DAB1: variants seen among roughly 807,000 people sequenced by gnomAD.
The protein encoded by DAB1 is disabled homolog 1.
DAB1 carries 15 observed loss-of-function variants against 64.6 expected under a neutral mutation model. The ratio of observed to expected loss-of-function variants is 0.23; its 90% CI spans 0.16 to 0.36. The LOEUF (loss-of-function observed/expected upper bound fraction) is 0.36. Ranked by LOEUF, DAB1 falls within the 10% of genes least tolerant of loss-of-function variation. The pLI is 1.00. For synonymous variants in DAB1, 235 were observed against 251.9 expected, an observed-to-expected ratio of 0.93 and a Z score of 0.64; for missense variants, 596 against 706.7, an observed-to-expected ratio of 0.84 and a Z score of 1.78.
intron 1 of DAB1, among the ~76,000 whole-genome samples, chr1:57,848,706 A>C (rs1289942643): frequency 6.6e-6 from 1 of 152,226 alleles, no homozygotes; most frequent in African/African-American, 2.4e-5. Flanking sequence ...AAATAACCTA[A>C]GGTTGAAGAA....
At chr1:58,300,613 AG>A (rs1557726083) in intron 4 of DAB1, among the ~76,000 whole-genome samples, 488 of 38,028 alleles carry the variant, frequency 0.013, 4 homozygotes, top group East Asian at 0.017. Flanking sequence ...AGAAAGAAAG[AG>A]AGAGAGAGAG....
intron 7 of DAB1, among the ~76,000 whole-genome samples, chr1:57,571,884 G>A (rs1287817440): frequency 1.3e-5 from 2 of 152,212 alleles, no homozygotes; most frequent in African/African-American, 4.8e-5. Flanking sequence ...TCTTCAGCGG[G>A]AGAGAGCAGC....
intron 5 of DAB1, among the ~76,000 whole-genome samples, chr1:58,025,712 A>T (rs1646884888): frequency 7.1e-6 from 1 of 140,898 alleles, no homozygotes; most frequent in Non-Finnish European, 1.5e-5. Context: ...ATTTAGAGTA[A>T]AGTTATTTTG....
chr1:57,926,287 C>T (rs1398660596), intron 5 of DAB1, among the ~76,000 whole-genome samples: 3 of 121,192 alleles, frequency 2.5e-5, no homozygotes, highest in Non-Finnish European at 3.9e-5. Context: ...TGAGAAAGGC[C>T]AGATTTTATG....
chr1:58,187,489 C>G (rs1028002489), intron 4 of DAB1, among the ~76,000 whole-genome samples: 1 of 150,688 alleles, frequency 6.6e-6, no homozygotes, highest in South Asian at 2.1e-4. Flanking sequence ...AAAAAAGAAG[C>G]CTGACTACAA....
At position 58,215,523 on chromosome 1, in the gene DAB1, A is replaced by G. The variant is rs1233177999; in HGVS notation, n.310-64935T>C. 2.0e-5 allele frequency among the ~76,000 whole-genome samples: 3 copies of G among 152,136 alleles called. No individual in the cohort carries two copies. The East Asian group carries it at 5.8e-4, about 29-fold the overall frequency. ...GCCTCCTAAAGGCAGGAATCCTAAC[A>G]GCCCTTGTACTGATATATTTTCAGC... On this transcript the variant is annotated intron_variant and non_coding_transcript_variant, in intron 4 of 20. Coordinates refer to the DAB1 transcript ENST00000485760.
intron 7 of DAB1, among the ~76,000 whole-genome samples, chr1:57,597,637 A>T (rs966326282): frequency 6.6e-6 from 1 of 152,240 alleles, no homozygotes; most frequent in Non-Finnish European, 1.5e-5. Flanking sequence ...AATAGCTAAC[A>T]ATAACAGGTA....
chr1:57,729,123 A>C (rs142970055), intron 6 of DAB1, among the ~76,000 whole-genome samples: 31 of 152,342 alleles, frequency 2.0e-4, no homozygotes, highest in Non-Finnish European at 3.7e-4. Context: ...AGTTGCAGTA[A>C]TTCCAATGGG....
chr1:58,485,730 TACC>T (rs1645566537), intron 3 of DAB1, among the ~76,000 whole-genome samples: 1 of 152,186 alleles, frequency 6.6e-6, no homozygotes, highest in Non-Finnish European at 1.5e-5. Flanking sequence ...AAAATTTTCC[TACC>T]ATATAGCTAG....
chr1:57,424,333 A>ACGAGCGAGCGAG (rs548471057), upstream of DAB1, among the ~76,000 whole-genome samples: 32 of 145,044 alleles, frequency 2.2e-4, no homozygotes, highest in South Asian at 1.0e-3. Flanking sequence ...AGGTGGAAGA[A>ACGAGCGAGCGAG]CGAGCGAGCG....
intron 4 of DAB1, among the ~76,000 whole-genome samples, chr1:58,165,047 C>G (rs2100755701): frequency 6.6e-6 from 1 of 152,274 alleles, no homozygotes; most frequent in Non-Finnish European, 1.5e-5. Flanking sequence ...CCCATTTCCA[C>G]ATGGAAACAA....
chr1:57,469,772 C>G (rs535985616), intron 7 of DAB1, among the ~76,000 whole-genome samples: 2 of 152,162 alleles, frequency 1.3e-5, no homozygotes, highest in Admixed American at 1.3e-4. Context: ...AAAGTATCTT[C>G]TATGAGTTAT....
chr1:58,402,689 G>A (rs17117463), intron 3 of DAB1, among the ~76,000 whole-genome samples: 2,500 of 152,074 alleles, frequency 0.016, 84 homozygotes, highest in African/African-American at 0.058. Context: ...CATTTGTATC[G>A]GATCCAGAAC....
intron 5 of DAB1, among the ~76,000 whole-genome samples, chr1:57,966,270 T>C (rs1645663804): frequency 6.6e-6 from 1 of 152,188 alleles, no homozygotes; most frequent in South Asian, 2.1e-4. Flanking sequence ...AGCTGACCCC[T>C]GGAATCTGGG....
intron 2 of DAB1, among the ~76,000 whole-genome samples, chr1:57,232,418 T>C (rs1667752005): frequency 6.6e-6 from 1 of 151,852 alleles, no homozygotes; most frequent in South Asian, 2.1e-4. Context: ...TTATTCAACA[T>C]ATATTTACTA....
chr1:57,022,397 T>A (rs994106893), intron 11 of DAB1, among the ~76,000 whole-genome samples: 1 of 152,212 alleles, frequency 6.6e-6, no homozygotes, highest in African/African-American at 2.4e-5. Flanking sequence ...ATCATCACTA[T>A]CCCTTTTTAA....
chr1:58,495,013 C>A (rs1270068911), intron 3 of DAB1, among the ~76,000 whole-genome samples: 2 of 152,122 alleles, frequency 1.3e-5, no homozygotes, highest in African/African-American at 4.8e-5. Flanking sequence ...AGACTTGGAA[C>A]CAACCCAAAC....
chr1:58,175,539 T>C (rs907929232), intron 4 of DAB1, among the ~76,000 whole-genome samples: 4 of 152,218 alleles, frequency 2.6e-5, no homozygotes, highest in Non-Finnish European at 5.9e-5. Flanking sequence ...TTTCATTCAG[T>C]GGTTTTAACT....
intron 4 of DAB1, among the ~76,000 whole-genome samples, chr1:58,336,101 T>C (rs1426898369): frequency 6.6e-6 from 1 of 152,238 alleles, no homozygotes; most frequent in Non-Finnish European, 1.5e-5. Context: ...TTTGTCTTTG[T>C]GTTTTCCACT....
Sources: gnomAD v4.1 joint callset for allele counts (sites outside exome capture counted in the v4.1 genomes callset) on GRCh38, gnomAD v4.1.1 for gene constraint, MANE v1.5 for transcripts, NCBI Gene and HGNC (gene_info 2026-07-23, HGNC 2026-07-21) for gene names.